The following ATP13A5 variants were observed in gnomAD, a reference collection of about 807,000 sequenced individuals.
The protein encoded by ATP13A5 is ATPase 13A5.
Under a neutral mutation model 150.2 loss-of-function variants are expected in ATP13A5, and 149 were observed. The observed-to-expected ratio is 0.99, with a 90% CI of 0.87 to 1.14. The LOEUF is 1.14. Ranked by LOEUF, ATP13A5 falls within the 50% of genes most tolerant of loss-of-function variation. The pLI is 0.00. For synonymous variants in ATP13A5, 497 were observed against 522.2 expected, an observed-to-expected ratio of 0.95 and a Z score of 0.66; for missense variants, 1,383 against 1,449.3, an observed-to-expected ratio of 0.95 and a Z score of 0.74.
chr3:193,362,120 T>C (rs1209125348), intron 5 of ATP13A5, among the ~76,000 whole-genome samples: 4 of 151,888 alleles, frequency 2.6e-5, no homozygotes, highest in Admixed American at 1.3e-4. Flanking sequence ...AAAGGAAAAA[T>C]AAAAAAACAA....
intron 5 of ATP13A5, among the ~76,000 whole-genome samples, chr3:193,359,679 A>G (rs541615448): frequency 3.3e-5 from 5 of 152,322 alleles, no homozygotes; most frequent in South Asian, 4.1e-4. Flanking sequence ...TAAGTTGGCC[A>G]TGGATGGAAT....
intron 26 of ATP13A5, 107 bp from the exon 27 acceptor site, chr3:193,285,223 A>G (rs918097323): frequency 1.8e-5 from 16 of 886,848 alleles, no homozygotes; most frequent in Middle Eastern, 3.4e-4. Context: ...CTTTCAAACT[A>G]TGTCAGCCAG....
chr3:193,301,356 C>T, intron 23 of ATP13A5, 49 bp from the exon 24 acceptor site: 1 of 1,392,826 alleles, frequency 7.2e-7, no homozygotes, highest in Non-Finnish European at 1.0e-6. Flanking sequence ...TGATAAATGT[C>T]TCCCAACTTC....
chr3:193,290,861 G>T (rs1488937951), intron 25 of ATP13A5, among the ~76,000 whole-genome samples: 1 of 152,144 alleles, frequency 6.6e-6, no homozygotes, highest in Non-Finnish European at 1.5e-5. Flanking sequence ...GGCAGAGCAG[G>T]AAGGAAGCAT....
chr3:193,330,186 C>A (rs1026083007), intron 12 of ATP13A5, among the ~76,000 whole-genome samples: 1 of 152,166 alleles, frequency 6.6e-6, no homozygotes, highest in Non-Finnish European at 1.5e-5. Context: ...TCAAAGGTGG[C>A]CTCCAACCGT....
At chr3:193,373,382 G>A (rs1442414107) in intron 1 of ATP13A5, among the ~76,000 whole-genome samples, 1 of 152,044 alleles carries the variant, frequency 6.6e-6, no homozygotes, top group Admixed American at 6.5e-5. Context: ...GACCTCAGGT[G>A]ATCCACCTGC....
At position 193,345,009 on chromosome 3, in the gene ATP13A5, C is replaced by T. The variant is rs755794261; in HGVS notation, c.808G>A (p.Asp270Asn). 1 of 1,613,356 alleles carries T rather than the reference C, an allele frequency of 6.2e-7. No individual in the cohort carries two copies. The highest frequency in any genetic ancestry group is 8.5e-7 in the Non-Finnish European group (1 of 1,179,384). Residue 270 changes from aspartate (D) to asparagine (N), a missense_variant, in exon 8 of 30, where the codon GAC becomes AAC. By Grantham distance (23) the Asp-to-Asn change is conservative. Coordinates refer to ENST00000342358, the MANE Select transcript of ATP13A5 (RefSeq NM_198505.4). Reference sequence around the variant, plus strand: ...GGCCTAACACATCACTTACCTTTGTCTTTTACAATGATTGTAACCTGGACT... The same window carrying T: ...GGCCTAACACATCACTTACCTTTGTTTTTTACAATGATTGTAACCTGGACT... ...NKVQVTIIVK[D>N]KGLEELESRL...
chr3:193,367,201 C>G (rs1274040232), intron 1 of ATP13A5, among the ~76,000 whole-genome samples: 2 of 151,738 alleles, frequency 1.3e-5, no homozygotes, highest in African/African-American at 2.4e-5. Flanking sequence ...AAGATGAGTG[C>G]AGAAATAAGA....
At chr3:193,311,748 A>ACT (rs1386355904) in intron 20 of ATP13A5, 68 bp downstream of exon 20, 1 of 1,582,734 alleles carries the variant, frequency 6.3e-7, no homozygotes, top group East Asian at 2.3e-5. Context: ...TGTTTTCAAT[A>ACT]CTCTCCTCCT....
At chr3:193,338,052 A>C (rs1034103968) in intron 9 of ATP13A5, among the ~76,000 whole-genome samples, 1 of 152,120 alleles carries the variant, frequency 6.6e-6, no homozygotes, top group African/African-American at 2.4e-5. Flanking sequence ...TGGGTGTAGA[A>C]GAATGCTTGT....
At chr3:193,282,294 C>T (rs1021488944) in intron 27 of ATP13A5, among the ~76,000 whole-genome samples, 1 of 152,044 alleles carries the variant, frequency 6.6e-6, no homozygotes, top group Non-Finnish European at 1.5e-5. Flanking sequence ...CATACATTTC[C>T]TGTGTATTAG....
Position 193,275,215 on chromosome 3 carries a change from T to G in ATP13A5, c.3484A>C (p.Lys1162Gln), listed in dbSNP as rs777015632. The change falls in exon 30 of 30, where the codon AAG (lysine) becomes CAG (glutamine). Residue 1162 changes from lysine to glutamine, a missense_variant. Coordinates refer to ENST00000342358, the MANE Select transcript of ATP13A5 (RefSeq NM_198505.4). ...YSKSQYRTWQ[K>Q]KLAEDSTWPP... ...CAGGTTGAGTCTTCTGCTAGCTTCTTTTGCCAAGTCCTATATTGACTTTTA... is the reference window on the plus strand; with the variant it reads ...CAGGTTGAGTCTTCTGCTAGCTTCTGTTGCCAAGTCCTATATTGACTTTTA... 5.8e-5 allele frequency: 94 copies of G among 1,614,100 alleles called. No homozygotes were observed. Among genetic ancestry groups the G allele is most frequent in the Non-Finnish European group, 7.6e-5 (90 of 1,180,046 alleles).
intron 1 of ATP13A5, among the ~76,000 whole-genome samples, chr3:193,364,821 T>G (rs1002452817): frequency 3.3e-5 from 5 of 152,218 alleles, no homozygotes; most frequent in Non-Finnish European, 5.9e-5. Context: ...AGTATGTTGA[T>G]GTAAATTAAG....
At chr3:193,277,639 G>A (rs992383538) in intron 28 of ATP13A5, 2 of 152,160 alleles carry the variant, frequency 1.3e-5, no homozygotes, top group Non-Finnish European at 2.9e-5. Context: ...TCCCCAGGTG[G>A]AGACAGTCTT....
chr3:193,294,685 C>T (rs1034012816), intron 25 of ATP13A5, among the ~76,000 whole-genome samples: 8 of 151,892 alleles, frequency 5.3e-5, no homozygotes, highest in Admixed American at 2.6e-4. Context: ...TGTAAGAAGC[C>T]GTAATGAGAA....
chr3:193,354,468 A>G (rs1370137728), intron 5 of ATP13A5, among the ~76,000 whole-genome samples: 1 of 152,110 alleles, frequency 6.6e-6, no homozygotes, highest in African/African-American at 2.4e-5. Context: ...TTTCATTTTG[A>G]GTTACTTTTA....
At chr3:193,313,779 AG>A (rs1430396798) in intron 19 of ATP13A5, 5 of 405,566 alleles carry the variant, frequency 1.2e-5, no homozygotes, top group African/African-American at 6.0e-5. Context: ...TGCTGGGAAA[AG>A]CACCTGATGC....
At chr3:193,373,835 C>G (rs945832770) in intron 1 of ATP13A5, among the ~76,000 whole-genome samples, 7 of 152,194 alleles carry the variant, frequency 4.6e-5, no homozygotes, top group Non-Finnish European at 1.0e-4. Context: ...TGCCACTGTT[C>G]AGCAGAAGAA....
chr3:193,295,659 C>T (rs569628868), intron 25 of ATP13A5, among the ~76,000 whole-genome samples: 7 of 152,112 alleles, frequency 4.6e-5, no homozygotes, highest in South Asian at 2.1e-4. Flanking sequence ...AAAATTGTGC[C>T]GAGCCTTATA....
Sources: allele counts gnomAD v4.1 joint callset (sites outside exome capture counted in the v4.1 genomes callset), GRCh38; gene constraint gnomAD v4.1.1; transcripts MANE v1.5; gene names NCBI Gene and HGNC (gene_info 2026-07-23, HGNC 2026-07-21).